Variants in RARB observed in about 807,000 individuals in gnomAD.
The protein encoded by RARB is HBV-activated protein.
A neutral mutation model predicts 51.9 loss-of-function variants in RARB; 17 were observed. The observed-to-expected ratio is 0.33, with a 90% CI of 0.22 to 0.49. RARB has a LOEUF of 0.49. Ranked by LOEUF, RARB falls within the 20% of genes least tolerant of loss-of-function variation. The probability of loss-of-function intolerance (pLI) is 0.99; values close to 1 mark genes in which losing one functional copy is unlikely to be tolerated. For missense variants in RARB, 369 were observed against 550.8 expected (o/e 0.67, Z 3.30); for synonymous variants, 215 against 195.4 (o/e 1.10, Z -0.84).
At chr3:25,399,639 C>G (rs78447701) in intron 5 of RARB, among the ~76,000 whole-genome samples, 1 of 152,190 alleles carries the variant, frequency 6.6e-6, no homozygotes, top group Admixed American at 6.5e-5. Context: ...TTCCTAACTT[C>G]AGACCTCTTG....
intron 5 of RARB, among the ~76,000 whole-genome samples, chr3:25,212,047 A>G (rs1249833287): frequency 2.6e-5 from 4 of 152,148 alleles, no homozygotes; most frequent in African/African-American, 9.7e-5. Context: ...ATTTCTGTTT[A>G]GTGGGTTGGA....
In RARB at chr3:24,886,230, G is replaced by A. The variant is rs114481802; in HGVS notation, c.-380+27478G>A. Among the ~76,000 whole-genome samples the A allele has an allele frequency of 6.0e-3, 918 of 152,194 alleles. 13 individuals carry two copies. Among genetic ancestry groups the A allele is most frequent in the African/African-American group, 0.021 (871 of 41,532 alleles). ...ATATACCTGGCTTTATAGTTGCTTTGTAGCTTGGATATGTCTGGCCTCTCT... is the reference window on the plus strand; with the variant it reads ...ATATACCTGGCTTTATAGTTGCTTTATAGCTTGGATATGTCTGGCCTCTCT... On this transcript the variant is annotated intron_variant, in intron 2 of 11. Coordinates refer to the RARB transcript ENST00000383772.
At chr3:25,101,143 A>T (rs1194554009) in intron 3 of RARB, among the ~76,000 whole-genome samples, 1 of 152,172 alleles carries the variant, frequency 6.6e-6, no homozygotes, top group Non-Finnish European at 1.5e-5. Flanking sequence ...CTTAAGAGTC[A>T]GCAGAAGCCA....
intron 3 of RARB, among the ~76,000 whole-genome samples, chr3:25,062,790 A>G (rs1264317357): frequency 6.6e-6 from 1 of 151,928 alleles, no homozygotes; most frequent in Non-Finnish European, 1.5e-5. Context: ...AGTTACTGCT[A>G]ATTAGGTATA....
intron 5 of RARB, among the ~76,000 whole-genome samples, chr3:25,242,413 T>G (rs948626964): frequency 2.6e-4 from 40 of 152,216 alleles, no homozygotes; most frequent in African/African-American, 8.9e-4. Context: ...TGCCTAGGTT[T>G]TCTTCTAGGA....
At chr3:25,437,225 C>T (rs951061406) in intron 1 of RARB, among the ~76,000 whole-genome samples, 2 of 150,256 alleles carry the variant, frequency 1.3e-5, no homozygotes, top group African/African-American at 4.9e-5. Flanking sequence ...TTCTGTTTGT[C>T]AGGTAGCACT....
At chr3:25,423,381 T>A (rs1404198924), upstream of RARB, among the ~76,000 whole-genome samples, 1 of 152,104 alleles carries the variant, frequency 6.6e-6, no homozygotes, top group African/African-American at 2.4e-5. Context: ...TCTAACTTAT[T>A]TTTTAAATGA....
intron 1 of RARB, among the ~76,000 whole-genome samples, chr3:24,854,213 C>T (rs1197460403): frequency 6.6e-6 from 1 of 152,194 alleles, no homozygotes; most frequent in East Asian, 1.9e-4. Flanking sequence ...GCAAACTCTC[C>T]TTGGACTTCT....
intron 5 of RARB, among the ~76,000 whole-genome samples, chr3:25,329,683 A>C (rs1375593045): frequency 6.6e-6 from 1 of 152,220 alleles, no homozygotes; most frequent in East Asian, 1.9e-4. Flanking sequence ...TGAGAGAAGA[A>C]GACTTCAGAC....
At chr3:24,869,988 A>G (rs746265674) in intron 2 of RARB, among the ~76,000 whole-genome samples, 23 of 152,024 alleles carry the variant, frequency 1.5e-4, no homozygotes, top group Non-Finnish European at 3.2e-4. Flanking sequence ...TTACTAATTT[A>G]CTAATTAGGT....
intron 3 of RARB, among the ~76,000 whole-genome samples, chr3:25,131,339 T>C (rs1280527948): frequency 6.6e-6 from 1 of 152,100 alleles, no homozygotes; most frequent in Non-Finnish European, 1.5e-5. Context: ...AGCTCTTCAG[T>C]GACTTGGCTC....
chr3:25,110,924 CATAA>C (rs1699590673), intron 3 of RARB, among the ~76,000 whole-genome samples: 1 of 152,144 alleles, frequency 6.6e-6, no homozygotes, highest in Non-Finnish European at 1.5e-5. Context: ...TTTACTTTGA[CATAA>C]ATAGAGTGTA....
intron 4 of RARB, among the ~76,000 whole-genome samples, chr3:25,167,423 G>A (rs988718349): frequency 2.0e-5 from 3 of 152,142 alleles, no homozygotes; most frequent in Non-Finnish European, 4.4e-5. Context: ...AATGTGCAGT[G>A]TCAAATAAAT....
intron 5 of RARB, among the ~76,000 whole-genome samples, chr3:25,244,484 T>A (rs556351349): frequency 1.3e-5 from 2 of 152,322 alleles, no homozygotes; most frequent in Admixed American, 1.3e-4. Context: ...CTGCTTTAGC[T>A]GTGTCTAAGA....
intron 1 of RARB, among the ~76,000 whole-genome samples, chr3:25,449,116 TC>T (rs1016353171): frequency 2.0e-5 from 3 of 152,032 alleles, no homozygotes; most frequent in Non-Finnish European, 2.9e-5. Flanking sequence ...CTCCTCTGCC[TC>T]CCCGAAGAGC....
At chr3:25,001,359 A>G (rs1697154837) in intron 2 of RARB, among the ~76,000 whole-genome samples, 1 of 152,174 alleles carries the variant, frequency 6.6e-6, no homozygotes, top group South Asian at 2.1e-4. Flanking sequence ...CTAAAGTTCT[A>G]ATTTGCCCAA....
intron 5 of RARB, among the ~76,000 whole-genome samples, chr3:25,390,994 G>A (rs189282944): frequency 0.017 from 2,483 of 150,166 alleles, 78 homozygotes; most frequent in African/African-American, 0.058. Flanking sequence ...TGGTGCACCC[G>A]TCACCCAAGC....
intron 2 of RARB, among the ~76,000 whole-genome samples, chr3:25,497,176 C>T (rs149124251): frequency 1.1e-3 from 170 of 152,292 alleles, no homozygotes; most frequent in African/African-American, 3.8e-3. Flanking sequence ...TGAGCCACCG[C>T]GCCTGGCCGA....
chr3:25,389,675 C>A (rs573465610), intron 5 of RARB, among the ~76,000 whole-genome samples: 1 of 152,216 alleles, frequency 6.6e-6, no homozygotes, highest in South Asian at 2.1e-4. Flanking sequence ...ACTGAGCATC[C>A]CTTCTGTCTT....
Sources: allele counts gnomAD v4.1 joint callset (sites outside exome capture counted in the v4.1 genomes callset), GRCh38; gene constraint gnomAD v4.1.1; transcripts MANE v1.5; gene names NCBI Gene and HGNC (gene_info 2026-07-23, HGNC 2026-07-21).